Variants in PCDHA7 observed in about 807,000 individuals in gnomAD.
The protein encoded by PCDHA7 is protocadherin alpha 7.
PCDHA7 carries 37 observed loss-of-function variants against 57.2 expected under a neutral mutation model. That is an observed-to-expected ratio of 0.65 (90% CI 0.50 to 0.85). The LOEUF is 0.85. PCDHA7 is among the 40% of genes least tolerant of loss of function. PCDHA7 has a pLI of 0.00. For missense variants in PCDHA7, 1,188 were observed against 1,241.8 expected (o/e 0.96, Z 0.65); for synonymous variants, 553 against 558.8 (o/e 0.99, Z 0.15).
chr5:140,931,304 G>C (rs1218460625), intron 1 of PCDHA7, among the ~76,000 whole-genome samples: 1 of 152,056 alleles, frequency 6.6e-6, no homozygotes, highest in African/African-American at 2.4e-5. Context: ...CAAAAAGAGA[G>C]GAGAATACCA....
chr5:140,920,703 G>A (rs1435351032), intron 1 of PCDHA7, among the ~76,000 whole-genome samples: 1 of 152,060 alleles, frequency 6.6e-6, no homozygotes, highest in Non-Finnish European at 1.5e-5. Context: ...CATTAGCTTG[G>A]CATGGTGGTG....
chr5:140,870,554 A>G (rs1554164402), intron 1 of PCDHA7: 1 of 1,614,044 alleles, frequency 6.2e-7, no homozygotes, highest in Non-Finnish European at 8.5e-7. Flanking sequence ...GCGGACGCGC[A>G]GGAGAACGCG....
At chr5:140,967,159 G>A in intron 1 of PCDHA7, 2 of 1,610,752 alleles carry the variant, frequency 1.2e-6, no homozygotes, top group Non-Finnish European at 1.7e-6. Context: ...CCGTGGCGGT[G>A]AGCGCCGTTG....
chr5:140,942,132 TG>T (rs1554214846), intron 1 of PCDHA7, among the ~76,000 whole-genome samples: 1 of 152,250 alleles, frequency 6.6e-6, no homozygotes, highest in African/African-American at 2.4e-5. Flanking sequence ...GTGATATTTG[TG>T]GCTTTACTTG....
chr5:140,932,346 A>G lies in PCDHA7; in HGVS notation c.2356-46603A>G, dbSNP rs529573484. 2.6e-5 allele frequency among the ~76,000 whole-genome samples: 4 copies of G among 152,072 alleles called. No homozygotes were observed. In the South Asian group the frequency reaches 6.2e-4, roughly 24 times the overall value. ...AGCAAAAATGCATGAAACACTTACCATACAACTGGCCTTATTAAATTTCCA... is the reference window on the plus strand; with the variant it reads ...AGCAAAAATGCATGAAACACTTACCGTACAACTGGCCTTATTAAATTTCCA... On this transcript the variant is annotated intron_variant, in intron 1 of 3. Coordinates refer to ENST00000525929, the MANE Select transcript of PCDHA7 (RefSeq NM_018910.3).
At chr5:140,966,741 G>T in intron 1 of PCDHA7, 1 of 1,421,322 alleles carries the variant, frequency 7.0e-7, no homozygotes, top group Non-Finnish European at 9.1e-7. Flanking sequence ...GGCCCTGCCC[G>T]GCTGCCTCCG....
intron 1 of PCDHA7, among the ~76,000 whole-genome samples, chr5:140,977,970 A>G (rs531494024): frequency 2.0e-5 from 3 of 152,332 alleles, no homozygotes; most frequent in South Asian, 4.1e-4. Context: ...ATCTCCGCCC[A>G]TGAAAACGCA....
At chr5:140,902,560 G>T (rs558432897) in intron 1 of PCDHA7, among the ~76,000 whole-genome samples, 9 of 152,072 alleles carry the variant, frequency 5.9e-5, no homozygotes, top group Non-Finnish European at 1.2e-4. Flanking sequence ...CCAGATTTTT[G>T]AGGGTTTTTA....
intron 1 of PCDHA7, chr5:140,856,261 G>C (rs782582964): frequency 6.3e-7 from 1 of 1,598,154 alleles, no homozygotes. Context: ...AAAGACACGG[G>C]GACCTTCTGG....
intron 1 of PCDHA7, among the ~76,000 whole-genome samples, chr5:140,975,572 C>T (rs1356117545): frequency 6.6e-6 from 1 of 152,202 alleles, no homozygotes; most frequent in African/African-American, 2.4e-5. Context: ...ATATTATATG[C>T]AGTCTCATGT....
chr5:140,879,926 A>G (rs1214178444), intron 1 of PCDHA7, among the ~76,000 whole-genome samples: 7 of 152,170 alleles, frequency 4.6e-5, no homozygotes, highest in African/African-American at 1.4e-4. Flanking sequence ...TTACAAAGGT[A>G]CATGTGATTG....
chr5:140,834,791 A>G lies in PCDHA7; in HGVS notation c.408A>G (p.Thr136=). Residue 136 remains threonine (T), a synonymous_variant, in exon 1 of 4, where the codon ACA becomes ACG. Transcript: ENST00000525929. ...INDNPPVFPA[T]QRNLFIAESR... ...ACAACCCTCCGGTGTTCCCAGCGAC[A>G]CAAAGGAATCTGTTCATCGCGGAAT... is the stretch of plus-strand genomic sequence containing the variant. The G allele has an allele frequency of 6.2e-7, 1 of 1,613,714 alleles. No homozygotes were observed. The highest frequency in any genetic ancestry group is 8.5e-7 in the Non-Finnish European group (1 of 1,179,922).
intron 3 of PCDHA7, among the ~76,000 whole-genome samples, chr5:141,005,708 A>G (rs1245739768): frequency 6.8e-6 from 1 of 146,360 alleles, no homozygotes; most frequent in Non-Finnish European, 1.5e-5. Context: ...TCTCAAAAAA[A>G]AAAAAAAAAA....
chr5:140,899,162 C>T (rs1237064232), intron 1 of PCDHA7, among the ~76,000 whole-genome samples: 31 of 152,224 alleles, frequency 2.0e-4, no homozygotes, highest in African/African-American at 7.2e-4. Flanking sequence ...TTCCTCTTTT[C>T]CTAATTGAAT....
chr5:141,008,359 G>A (rs1369587129), intron 3 of PCDHA7, among the ~76,000 whole-genome samples: 1 of 152,150 alleles, frequency 6.6e-6, no homozygotes, highest in Non-Finnish European at 1.5e-5. Flanking sequence ...GTCAACCAAA[G>A]GAGCAGTGTT....
At chr5:140,967,671 A>G in intron 1 of PCDHA7, 1 of 1,614,130 alleles carries the variant, frequency 6.2e-7, no homozygotes, top group Non-Finnish European at 8.5e-7. Context: ...TACACGTCGG[A>G]CCGGGAGAGG....
At chr5:140,867,423 A>G (rs1399312852) in intron 1 of PCDHA7, 14 of 152,182 alleles carry the variant, frequency 9.2e-5, no homozygotes, top group African/African-American at 3.4e-4. Flanking sequence ...TTTTTAATAC[A>G]GAATTTTGCA....
intron 1 of PCDHA7, among the ~76,000 whole-genome samples, chr5:140,919,230 A>G (rs56002): frequency 0.32 from 48,085 of 151,928 alleles, 7,955 homozygotes; most frequent in East Asian, 0.53. Flanking sequence ...TTCTAGTAAC[A>G]CTTTTTGTCT....
At chr5:140,849,935 G>T (rs2150458512) in intron 1 of PCDHA7, 2 of 1,597,924 alleles carry the variant, frequency 1.3e-6, no homozygotes, top group African/African-American at 2.7e-5. Context: ...TGTCTGCGCG[G>T]GACGCTGACG....
Sources: gnomAD v4.1 joint callset for allele counts (sites outside exome capture counted in the v4.1 genomes callset) on GRCh38, gnomAD v4.1.1 for gene constraint, MANE v1.5 for transcripts, NCBI Gene and HGNC (gene_info 2026-07-23, HGNC 2026-07-21) for gene names.